The following DHRS7B variants were observed in gnomAD, a reference collection of about 807,000 sequenced individuals.
DHRS7B encodes dehydrogenase/reductase 7B, also known as peroxisomal reductase activating PPAR-gamma.
DHRS7B carries 24 observed loss-of-function variants against 26.4 expected under a neutral mutation model. The ratio of observed to expected loss-of-function variants is 0.91; its 90% confidence interval spans 0.66 to 1.28. The LOEUF (loss-of-function observed/expected upper bound fraction) is 1.28, where lower values mean the gene tolerates loss of function less well. Ranked by LOEUF, DHRS7B falls within the 50% of genes most tolerant of loss-of-function variation. The pLI is 0.00. For missense variants in DHRS7B, 368 were observed against 419.4 expected, an observed-to-expected ratio of 0.88 and a Z score of 1.07; for synonymous variants, 142 against 166.4, an observed-to-expected ratio of 0.85 and a Z score of 1.13.
At chr17:21,140,531 C>CAG (rs1567616913) in intron 1 of DHRS7B, among the ~76,000 whole-genome samples, 2 of 150,550 alleles carry the variant, frequency 1.3e-5, no homozygotes, top group African/African-American at 4.9e-5. Context: ...CACACACACA[C>CAG]ACACACACCC....
At chr17:21,161,181 C>T (rs1319221422) in intron 1 of DHRS7B, among the ~76,000 whole-genome samples, 4 of 152,140 alleles carry the variant, frequency 2.6e-5, no homozygotes, top group Admixed American at 1.3e-4. Context: ...TGAGAGTGGG[C>T]ACTAATGTAA....
chr17:21,187,485 G>T (rs1260320286), intron 5 of DHRS7B, among the ~76,000 whole-genome samples: 1 of 151,860 alleles, frequency 6.6e-6, no homozygotes, highest in Non-Finnish European at 1.5e-5. Flanking sequence ...AAGTAGCCGG[G>T]CGTGGTGGCG....
chr17:21,150,689 C>T (rs770963635), intron 1 of DHRS7B, among the ~76,000 whole-genome samples: 4 of 152,010 alleles, frequency 2.6e-5, no homozygotes, highest in Non-Finnish European at 5.9e-5. Context: ...ACAGACATGC[C>T]GAGAGCTATA....
At chr17:21,138,277 C>T (rs549764799) in intron 1 of DHRS7B, among the ~76,000 whole-genome samples, 8 of 117,926 alleles carry the variant, frequency 6.8e-5, no homozygotes, top group East Asian at 2.6e-4. Flanking sequence ...AGTGCAGTGG[C>T]GCGATCTTGG....
chr17:21,156,122 A>G (rs1031964032), intron 1 of DHRS7B, among the ~76,000 whole-genome samples: 5 of 152,190 alleles, frequency 3.3e-5, no homozygotes, highest in Non-Finnish European at 5.9e-5. Context: ...AGCAGAAACC[A>G]ATGAAATTGA....
At chr17:21,188,981 GA>G (rs1567631946) in intron 6 of DHRS7B, 118 bp downstream of exon 6, 8 of 1,392,480 alleles carry the variant, frequency 5.7e-6, no homozygotes, top group Non-Finnish European at 5.9e-6. Flanking sequence ...CTTTTAAAGT[GA>G]AAAAAACTTG....
chr17:21,157,152 AC>A (rs1456454379), intron 1 of DHRS7B, among the ~76,000 whole-genome samples: 2 of 151,520 alleles, frequency 1.3e-5, no homozygotes, highest in African/African-American at 4.8e-5. Context: ...AAAGAATTAT[AC>A]CAATTCTCTA....
intron 1 of DHRS7B, among the ~76,000 whole-genome samples, chr17:21,152,411 TC>T (rs1445766877): frequency 6.6e-6 from 1 of 152,212 alleles, no homozygotes; most frequent in Non-Finnish European, 1.5e-5. Context: ...TGCCTCAGCC[TC>T]CCAAAGTGTT....
chr17:21,188,323 G>T (rs1052666148), intron 5 of DHRS7B, among the ~76,000 whole-genome samples: 1 of 152,008 alleles, frequency 6.6e-6, no homozygotes, highest in African/African-American at 2.4e-5. Context: ...AACTATATGT[G>T]TATATAATTT....
intron 1 of DHRS7B, among the ~76,000 whole-genome samples, chr17:21,135,854 T>TA (rs1441271662): frequency 6.6e-6 from 1 of 152,200 alleles, no homozygotes; most frequent in African/African-American, 2.4e-5. Flanking sequence ...GTTACAATCT[T>TA]ACGTGCCCAC....
chr17:21,132,537 A>C (rs1597729050), intron 1 of DHRS7B, among the ~76,000 whole-genome samples: 1 of 148,024 alleles, frequency 6.8e-6, no homozygotes, highest in African/African-American at 2.5e-5. Context: ...TCTCAAAAAA[A>C]AAAAAAAAAA....
chr17:21,145,835 A>G (rs547764089), intron 1 of DHRS7B, among the ~76,000 whole-genome samples: 25 of 152,332 alleles, frequency 1.6e-4, no homozygotes, highest in African/African-American at 5.3e-4. Flanking sequence ...AGGCTAAGGT[A>G]TGATGTTTAG....
intron 1 of DHRS7B, among the ~76,000 whole-genome samples, chr17:21,138,087 TATATATATATATATACACAC>T (rs1567616076): frequency 4.6e-4 from 29 of 62,944 alleles, no homozygotes; most frequent in African/African-American, 1.9e-3. Context: ...TATATATATA[TATATATATATATATACACAC>T]ACACACACAC....
At chr17:21,178,111 A>G in intron 2 of DHRS7B, 122 bp from the exon 3 acceptor site, 1 of 903,316 alleles carries the variant, frequency 1.1e-6, no homozygotes, top group Non-Finnish European at 1.7e-6. Flanking sequence ...ATGCTGGGCC[A>G]CACAGCAGGG....
At position 21,136,683 on chromosome 17, in the gene DHRS7B, G is replaced by GA. The variant is rs1428618346; in HGVS notation, c.20+9692_20+9693insA. On this transcript the variant is annotated intron_variant, in intron 1 of 6. Coordinates refer to ENST00000395511, the MANE Select transcript of DHRS7B (RefSeq NM_015510.5). ...TCATTCTCCTGCCTCAGACTCCTGA[G>GA]TAGCTGGGATTACAGGTGTGTGCCA... 3.4e-4 allele frequency among the ~76,000 whole-genome samples: 51 copies of GA among 151,958 alleles called. 1 individual carries two copies. Among genetic ancestry groups the GA allele is most frequent in the Non-Finnish European group, 1.6e-4 (11 of 67,998 alleles).
intron 1 of DHRS7B, among the ~76,000 whole-genome samples, chr17:21,130,854 ACT>A (rs903765309): frequency 3.3e-5 from 5 of 152,088 alleles, no homozygotes; most frequent in East Asian, 1.9e-4. Context: ...GCAAAAATGA[ACT>A]CTCTATTCTG....
intron 1 of DHRS7B, among the ~76,000 whole-genome samples, chr17:21,151,316 C>T (rs1567620193): frequency 6.6e-6 from 1 of 151,706 alleles, no homozygotes; most frequent in Non-Finnish European, 1.5e-5. Context: ...CCAGCCTGGC[C>T]AAGATGGTGA....
Position 21,163,145 on chromosome 17 carries a change from G to A in DHRS7B, c.21-8873G>A, listed in dbSNP as rs139059863. 9.9e-4 allele frequency among the ~76,000 whole-genome samples: 150 copies of A among 151,730 alleles called. 3 individuals are homozygous for A. In the East Asian group the frequency reaches 0.028, roughly 29 times the overall value. ...CGGGAGGCAGAGGTTGCAGTGAACC[G>A]AGATCGCGCCACTGCACTACAGCCT... On this transcript the variant is annotated intron_variant, in intron 1 of 6. Transcript: ENST00000395511.
At chr17:21,128,873 TAAAA>T (rs58855834) in intron 1 of DHRS7B, 4 of 112,840 alleles carry the variant, frequency 3.5e-5, no homozygotes, top group East Asian at 2.6e-4. Flanking sequence ...GACTCCGTCT[TAAAA>T]AAAAAAAAAA....
Sources: allele counts gnomAD v4.1 joint callset (sites outside exome capture counted in the v4.1 genomes callset), GRCh38; gene constraint gnomAD v4.1.1; transcripts MANE v1.5; gene names NCBI Gene and HGNC (gene_info 2026-07-23, HGNC 2026-07-21).